The following FSTL5 variants were observed in gnomAD, a reference collection of about 807,000 sequenced individuals.
FSTL5 encodes follistatin like 5.
FSTL5 carries 62 observed loss-of-function variants against 89.1 expected under a neutral mutation model. The observed-to-expected ratio is 0.70, with a 90% CI of 0.57 to 0.86. The LOEUF (loss-of-function observed/expected upper bound fraction) is 0.86, where lower values mean the gene tolerates loss of function less well. Ranked by LOEUF, FSTL5 falls within the 40% of genes least tolerant of loss-of-function variation. The pLI, the probability that FSTL5 is intolerant of heterozygous loss-of-function variation, is 0.00. For missense variants in FSTL5, 1,057 were observed against 1,001.6 expected (o/e 1.06, Z -0.75); for synonymous variants, 383 against 346.2 (o/e 1.11, Z -1.18).
chr4:161,745,673 A>G (rs1467842673), intron 6 of FSTL5, among the ~76,000 whole-genome samples: 2 of 152,104 alleles, frequency 1.3e-5, no homozygotes. Context: ...AAGTAAAAAA[A>G]AAAAATCACT....
At chr4:161,394,861 G>T (rs1730946902) in intron 15 of FSTL5, among the ~76,000 whole-genome samples, 1 of 152,042 alleles carries the variant, frequency 6.6e-6, no homozygotes, top group Non-Finnish European at 1.5e-5. Context: ...TTGCTTTTAG[G>T]GTCTTCAAAT....
chr4:161,835,214 A>G (rs1730995971), intron 4 of FSTL5, among the ~76,000 whole-genome samples: 1 of 151,898 alleles, frequency 6.6e-6, no homozygotes, highest in Admixed American at 6.6e-5. Context: ...AGGATTCCCT[A>G]TTTAATAAAT....
chr4:161,943,787 C>T (rs1375025652), intron 3 of FSTL5, among the ~76,000 whole-genome samples: 2 of 151,908 alleles, frequency 1.3e-5, no homozygotes, highest in African/African-American at 2.4e-5. Context: ...GATCTCCTGA[C>T]CTCGTGATCT....
intron 3 of FSTL5, among the ~76,000 whole-genome samples, chr4:162,000,988 T>A (rs1055057006): frequency 1.3e-5 from 2 of 152,190 alleles, no homozygotes; most frequent in African/African-American, 4.8e-5. Flanking sequence ...TAATTATGTA[T>A]ATGAAATGGA....
chr4:162,014,455 G>A (rs1578947866), intron 3 of FSTL5, among the ~76,000 whole-genome samples: 1 of 151,916 alleles, frequency 6.6e-6, no homozygotes, highest in Non-Finnish European at 1.5e-5. Context: ...AACTTAGCTT[G>A]TATTCAGAGA....
chr4:161,875,689 G>A (rs1235573464), intron 4 of FSTL5, among the ~76,000 whole-genome samples: 1 of 152,138 alleles, frequency 6.6e-6, no homozygotes, highest in Non-Finnish European at 1.5e-5. Flanking sequence ...TTTCCTGGAT[G>A]TTTTGACCAA....
chr4:161,484,960 G>C (rs992791954), intron 12 of FSTL5, among the ~76,000 whole-genome samples: 3 of 151,950 alleles, frequency 2.0e-5, no homozygotes, highest in Non-Finnish European at 4.4e-5. Context: ...CAGAAACTAG[G>C]AATGTTTTCT....
rs760584481 is a variant in FSTL5, at chr4:161,977,627, A to G, written c.160+55998T>C. ...GACTCCGTGTCAAAAAAAAAAAAAA[A>G]AAAAAAAAAAAAAATAATAATAATA... On this transcript the variant is annotated intron_variant, in intron 3 of 15. Transcript: ENST00000306100. Among the ~76,000 whole-genome samples, 44 of 92,316 alleles carry G rather than the reference A, an allele frequency of 4.8e-4. 1 individual carries two copies. The highest frequency in any genetic ancestry group is 1.7e-3 in the South Asian group (5 of 2,896). 60.6% of individuals were successfully genotyped at this position (92,316 alleles called of 152,430 possible). A position where few individuals can be genotyped will look rare whatever the true frequency, so the allele number is the denominator to read the frequency against.
At chr4:161,448,708 T>C (rs1443645768) in intron 15 of FSTL5, among the ~76,000 whole-genome samples, 4 of 152,078 alleles carry the variant, frequency 2.6e-5, no homozygotes, top group African/African-American at 9.7e-5. Flanking sequence ...CCATTGGCTA[T>C]GCAGGGATTA....
intron 6 of FSTL5, among the ~76,000 whole-genome samples, chr4:161,677,871 G>A (rs1054893412): frequency 2.0e-5 from 3 of 151,752 alleles, no homozygotes; most frequent in Non-Finnish European, 4.4e-5. Context: ...CACAAATAAT[G>A]TGAATTAATG....
At chr4:161,683,055 T>C (rs1737582389) in intron 6 of FSTL5, among the ~76,000 whole-genome samples, 1 of 152,172 alleles carries the variant, frequency 6.6e-6, no homozygotes, top group Admixed American at 6.6e-5. Flanking sequence ...AACTTTTCTT[T>C]TTTAATAAGT....
At chr4:161,484,827 C>T (rs182430094) in intron 12 of FSTL5, among the ~76,000 whole-genome samples, 1 of 152,108 alleles carries the variant, frequency 6.6e-6, no homozygotes, top group Non-Finnish European at 1.5e-5. Context: ...GTAATTTCTG[C>T]CGCATTTAGC....
Position 161,386,268 on chromosome 4 carries a change from G to A in FSTL5, c.2023C>T (p.Pro675Ser). 1 of 1,613,936 alleles carries A rather than the reference G, an allele frequency of 6.2e-7. No individual in the cohort carries two copies. Among genetic ancestry groups the A allele is most frequent in the Non-Finnish European group, 8.5e-7 (1 of 1,179,950 alleles). ...CKPDSTGAVS[P>S]QVMVDGVTDS... ...GTTACACCGTCCACCATGACCTGTG[G>A]GGAAACTGCTCCGGTGCTGTCAGGT... Residue 675 changes from proline (P) to serine (S), a missense_variant, in exon 16 of 16, where the codon CCA becomes TCA. Physicochemically the swap from Pro to Ser is moderately conservative, Grantham distance 74. Transcript: ENST00000306100.
chr4:161,476,564 TA>T (rs1734158354), intron 13 of FSTL5, among the ~76,000 whole-genome samples: 1 of 152,194 alleles, frequency 6.6e-6, no homozygotes, highest in South Asian at 2.1e-4. Context: ...AGGTTCAGCC[TA>T]AAGCAAACTT....
At chr4:161,641,331 A>T (rs1313895293) in intron 7 of FSTL5, among the ~76,000 whole-genome samples, 1 of 152,180 alleles carries the variant, frequency 6.6e-6, no homozygotes, top group African/African-American at 2.4e-5. Flanking sequence ...CATATAACTT[A>T]CGGAAACTAC....
intron 4 of FSTL5, among the ~76,000 whole-genome samples, chr4:161,817,149 G>T (rs1320366600): frequency 1.3e-5 from 2 of 152,170 alleles, no homozygotes; most frequent in East Asian, 3.9e-4. Flanking sequence ...CATGTAAGAA[G>T]ACAGGCCAAA....
chr4:162,120,582 TTAAG>T (rs1731817094), intron 1 of FSTL5, among the ~76,000 whole-genome samples: 3 of 152,034 alleles, frequency 2.0e-5, no homozygotes, highest in Admixed American at 2.0e-4. Flanking sequence ...TAGGTATACA[TTAAG>T]TGATTTTTAT....
chr4:161,396,976 T>C (rs1489770663), intron 15 of FSTL5, among the ~76,000 whole-genome samples: 4 of 152,140 alleles, frequency 2.6e-5, no homozygotes, highest in Non-Finnish European at 5.9e-5. Flanking sequence ...CTCTTTACTC[T>C]CTTCTACCCC....
At chr4:161,675,218 T>A (rs1485451320) in intron 6 of FSTL5, among the ~76,000 whole-genome samples, 4 of 151,970 alleles carry the variant, frequency 2.6e-5, no homozygotes, top group African/African-American at 9.7e-5. Flanking sequence ...CACAAAACTA[T>A]GTGACAACAT....
Sources: gnomAD v4.1 joint callset for allele counts (sites outside exome capture counted in the v4.1 genomes callset) on GRCh38, gnomAD v4.1.1 for gene constraint, MANE v1.5 for transcripts, NCBI Gene and HGNC (gene_info 2026-07-23, HGNC 2026-07-21) for gene names.